Variants in FBXL7 observed in about 807,000 individuals in gnomAD.
FBXL7 encodes F-box and leucine rich repeat protein 7.
FBXL7 carries 12 observed loss-of-function variants against 38.3 expected under a neutral mutation model. The ratio of observed to expected loss-of-function variants is 0.31; its 90% confidence interval spans 0.20 to 0.51. The LOEUF (loss-of-function observed/expected upper bound fraction) is 0.51. Among genes scored for constraint, FBXL7 ranks in the 20% least tolerant of loss-of-function variants. FBXL7 has a pLI of 0.98. For missense variants in FBXL7, 567 were observed against 676.4 expected (o/e 0.84, Z 1.79); for synonymous variants, 297 against 300.9 (o/e 0.99, Z 0.13).
chr5:15,585,387 G>C (rs1362386758), intron 1 of FBXL7, among the ~76,000 whole-genome samples: 1 of 152,104 alleles, frequency 6.6e-6, no homozygotes, highest in East Asian at 1.9e-4. Flanking sequence ...TTTGTTCCAG[G>C]GATAGAAGAG....
intron 2 of FBXL7, among the ~76,000 whole-genome samples, chr5:15,868,240 A>G (rs1343910222): frequency 1.3e-5 from 2 of 152,200 alleles, no homozygotes; most frequent in Non-Finnish European, 2.9e-5. Flanking sequence ...GCCAAGTCCT[A>G]CAGTGGAATT....
rs535208485 is a variant in FBXL7, at chr5:15,762,803, AT to A, written c.127+146732del. On this transcript the variant is annotated intron_variant, in intron 2 of 3. Transcript: ENST00000504595. ...TAATTTAACATTTTGGTTGAAACAT[AT>A]CTGAAATGCATTACGTAGTGTCTTC... is the stretch of plus-strand genomic sequence containing the variant. Among the ~76,000 whole-genome samples the A allele has an allele frequency of 2.3e-3, 355 of 152,334 alleles. 3 individuals carry two copies. Among genetic ancestry groups the A allele is most frequent in the African/African-American group, 8.2e-3 (339 of 41,582 alleles).
At chr5:15,691,735 T>C (rs1743189435) in intron 2 of FBXL7, among the ~76,000 whole-genome samples, 1 of 152,228 alleles carries the variant, frequency 6.6e-6, no homozygotes, top group Non-Finnish European at 1.5e-5. Context: ...CTGACAGATG[T>C]TGGCCTGGCC....
chr5:15,628,454 T>C (rs1284187470), intron 2 of FBXL7, among the ~76,000 whole-genome samples: 1 of 152,190 alleles, frequency 6.6e-6, no homozygotes, highest in Non-Finnish European at 1.5e-5. Flanking sequence ...CTGAAATCTT[T>C]AGTCAAGTCT....
intron 1 of FBXL7, among the ~76,000 whole-genome samples, chr5:15,532,079 T>A (rs1737448450): frequency 6.6e-6 from 1 of 152,160 alleles, no homozygotes; most frequent in Admixed American, 6.5e-5. Flanking sequence ...TTGGTACACA[T>A]TGTGAGTGCT....
intron 2 of FBXL7, among the ~76,000 whole-genome samples, chr5:15,726,809 T>C (rs935393709): frequency 6.6e-6 from 1 of 152,182 alleles, no homozygotes; most frequent in Non-Finnish European, 1.5e-5. Context: ...ATTGGAGAGT[T>C]TAATCTATTT....
At chr5:15,926,800 G>A (rs1334733089) in intron 2 of FBXL7, among the ~76,000 whole-genome samples, 2 of 152,100 alleles carry the variant, frequency 1.3e-5, no homozygotes, top group East Asian at 1.9e-4. Flanking sequence ...TGAGCTAGCA[G>A]AGGCCTTTCA....
chr5:15,569,421 G>A (rs1387303476), intron 1 of FBXL7, among the ~76,000 whole-genome samples: 1 of 151,420 alleles, frequency 6.6e-6, no homozygotes, highest in Non-Finnish European at 1.5e-5. Flanking sequence ...GAATGCTTGT[G>A]ATTTTTGCAC....
At chr5:15,769,499 G>C (rs1736674994) in intron 2 of FBXL7, among the ~76,000 whole-genome samples, 1 of 152,166 alleles carries the variant, frequency 6.6e-6, no homozygotes, top group South Asian at 2.1e-4. Flanking sequence ...CCATGCAAAT[G>C]ACTGTTAAAG....
chr5:15,602,764 GAAAAT>G (rs1739841955), intron 1 of FBXL7, among the ~76,000 whole-genome samples: 1 of 152,084 alleles, frequency 6.6e-6, no homozygotes, highest in Non-Finnish European at 1.5e-5. Context: ...TCTTAAAAAA[GAAAAT>G]AAAACAGTGT....
At chr5:15,554,809 G>A (rs1035244465) in intron 1 of FBXL7, among the ~76,000 whole-genome samples, 5 of 152,144 alleles carry the variant, frequency 3.3e-5, no homozygotes, top group South Asian at 4.1e-4. Flanking sequence ...ACATCATAAC[G>A]TCCCCTTTCA....
chr5:15,789,910 G>A (rs954032989), intron 2 of FBXL7, among the ~76,000 whole-genome samples: 6 of 152,146 alleles, frequency 3.9e-5, no homozygotes, highest in African/African-American at 9.7e-5. Context: ...AATAAAATGC[G>A]TGTGACCTGC....
chr5:15,872,184 C>G (rs1393629980), intron 2 of FBXL7, among the ~76,000 whole-genome samples: 1 of 152,094 alleles, frequency 6.6e-6, no homozygotes, highest in African/African-American at 2.4e-5. Context: ...AGCCAAACAG[C>G]TTCATAAGCA....
chr5:15,564,404 G>A (rs1738504310), intron 1 of FBXL7, among the ~76,000 whole-genome samples: 1 of 151,524 alleles, frequency 6.6e-6, no homozygotes, highest in South Asian at 2.1e-4. Flanking sequence ...GTGTGTGTGT[G>A]TGTGTGTGTG....
intron 2 of FBXL7, among the ~76,000 whole-genome samples, chr5:15,662,290 T>A (rs1260617722): frequency 6.6e-6 from 1 of 152,226 alleles, no homozygotes; most frequent in Non-Finnish European, 1.5e-5. Flanking sequence ...GCTGCATGTA[T>A]GTCTTCTTTT....
chr5:15,766,422 A>C (rs559488496), intron 2 of FBXL7, among the ~76,000 whole-genome samples: 27 of 152,316 alleles, frequency 1.8e-4, no homozygotes, highest in African/African-American at 5.5e-4. Flanking sequence ...TATATAAAGA[A>C]AGCACCTAGT....
intron 2 of FBXL7, among the ~76,000 whole-genome samples, chr5:15,649,565 C>T (rs1041957248): frequency 5.3e-5 from 8 of 152,202 alleles, no homozygotes; most frequent in Non-Finnish European, 1.2e-4. Flanking sequence ...GCTAACTAAA[C>T]TCATCTCAGT....
At chr5:15,533,215 T>A (rs1375952419) in intron 1 of FBXL7, among the ~76,000 whole-genome samples, 4 of 152,166 alleles carry the variant, frequency 2.6e-5, no homozygotes, top group Admixed American at 2.6e-4. Flanking sequence ...TCACACTGTG[T>A]GTCTAATCAA....
At chr5:15,905,888 G>A (rs1160270893) in intron 2 of FBXL7, among the ~76,000 whole-genome samples, 1 of 150,202 alleles carries the variant, frequency 6.7e-6, no homozygotes, top group Non-Finnish European at 1.5e-5. Context: ...CCCCACCCAT[G>A]TCACAATGTA....
Sources: allele counts gnomAD v4.1 joint callset (sites outside exome capture counted in the v4.1 genomes callset), GRCh38; gene constraint gnomAD v4.1.1; transcripts MANE v1.5; gene names NCBI Gene and HGNC (gene_info 2026-07-23, HGNC 2026-07-21).